The following WWTR1 variants were observed in gnomAD, a reference collection of about 807,000 sequenced individuals.
WWTR1 encodes the protein WW domain containing transcription regulator 1.
In WWTR1, 13 loss-of-function variants were observed where a neutral mutation model predicts 40.1. The observed-to-expected ratio is 0.32, with a 90% CI of 0.21 to 0.52. WWTR1 has a LOEUF of 0.52. WWTR1 is among the 20% of genes least tolerant of loss of function. The pLI is 0.97. For missense variants in WWTR1, 436 were observed against 523.1 expected (o/e 0.83, Z 1.63); for synonymous variants, 230 against 210.1 (o/e 1.09, Z -0.82).
chr3:149,577,893 T>C (rs1737959267), intron 2 of WWTR1, among the ~76,000 whole-genome samples: 1 of 151,966 alleles, frequency 6.6e-6, no homozygotes, highest in African/African-American at 2.4e-5. Context: ...TTTCCTCCTC[T>C]CAAGCCACTG....
chr3:149,556,533 C>T (rs531402458), intron 3 of WWTR1, among the ~76,000 whole-genome samples: 26 of 152,242 alleles, frequency 1.7e-4, no homozygotes, highest in African/African-American at 4.1e-4. Flanking sequence ...GAGCCGAGAT[C>T]GCGCCACTGC....
intron 4 of WWTR1, among the ~76,000 whole-genome samples, chr3:149,719,031 G>A (rs1715680658): frequency 6.6e-6 from 1 of 151,952 alleles, no homozygotes; most frequent in Non-Finnish European, 1.5e-5. Flanking sequence ...TCACTATGTT[G>A]GCCAGGCTGG....
intron 3 of WWTR1, among the ~76,000 whole-genome samples, chr3:149,553,467 T>A (rs988560073): frequency 6.6e-6 from 1 of 152,152 alleles, no homozygotes; most frequent in African/African-American, 2.4e-5. Flanking sequence ...ACCATTTGTG[T>A]GACCTCACTT....
At chr3:149,542,675 G>T in intron 3 of WWTR1, 138 bp from the exon 4 acceptor site, 1 of 900,936 alleles carries the variant, frequency 1.1e-6, no homozygotes, top group Non-Finnish European at 1.6e-6. Flanking sequence ...AACCATTACT[G>T]TTTAAGTAAT....
At chr3:149,723,219 G>A (rs537891756) in intron 4 of WWTR1, among the ~76,000 whole-genome samples, 121 of 107,138 alleles carry the variant, frequency 1.1e-3, no homozygotes, top group African/African-American at 2.9e-3. Context: ...ACAGAGTTTT[G>A]CTCCTGTTGC....
At chr3:149,636,891 G>C (rs943253591) in intron 2 of WWTR1, among the ~76,000 whole-genome samples, 2 of 150,314 alleles carry the variant, frequency 1.3e-5, no homozygotes, top group African/African-American at 2.5e-5. Flanking sequence ...TTGAACCCAG[G>C]GGGCAGAGGT....
At chr3:149,693,480 T>A (rs931418624) in intron 1 of WWTR1, among the ~76,000 whole-genome samples, 1 of 141,076 alleles carries the variant, frequency 7.1e-6, no homozygotes, top group Non-Finnish European at 1.6e-5. Context: ...GAAAAAAAAA[T>A]CCTAAAATGT....
intron 2 of WWTR1, among the ~76,000 whole-genome samples, chr3:149,581,928 G>A (rs910408203): frequency 6.6e-6 from 1 of 152,160 alleles, no homozygotes; most frequent in Non-Finnish European, 1.5e-5. Flanking sequence ...AAGCAAAGCT[G>A]CTGTCAGCCC....
At chr3:149,685,681 A>G (rs1714625111) in intron 1 of WWTR1, among the ~76,000 whole-genome samples, 1 of 152,166 alleles carries the variant, frequency 6.6e-6, no homozygotes, top group Non-Finnish European at 1.5e-5. Context: ...TGATTCATCA[A>G]TTCCTCCTCA....
chr3:149,525,887 C>T (rs552527909), intron 6 of WWTR1, 126 bp downstream of exon 6: 5 of 549,526 alleles, frequency 9.1e-6, no homozygotes, highest in South Asian at 1.0e-4. Flanking sequence ...TGCACATGTA[C>T]CCCCAAATAT....
chr3:149,715,198 C>G (rs966384870), intron 5 of WWTR1, among the ~76,000 whole-genome samples: 3 of 152,218 alleles, frequency 2.0e-5, no homozygotes, highest in Non-Finnish European at 4.4e-5. Flanking sequence ...AAACATGCCC[C>G]TTGTCCACCA....
chr3:149,539,530 A>G (rs953837091), intron 4 of WWTR1, among the ~76,000 whole-genome samples: 4 of 152,190 alleles, frequency 2.6e-5, no homozygotes, highest in Non-Finnish European at 5.9e-5. Context: ...GAGCCAGTGT[A>G]ATTACAAACT....
intron 2 of WWTR1, among the ~76,000 whole-genome samples, chr3:149,609,061 C>T (rs1352905032): frequency 6.6e-6 from 1 of 151,932 alleles, no homozygotes. Flanking sequence ...AAAGTGAGAC[C>T]TTGTCTCAAA....
intron 4 of WWTR1, among the ~76,000 whole-genome samples, chr3:149,719,589 C>T (rs1345968510): frequency 3.9e-5 from 6 of 152,200 alleles, no homozygotes; most frequent in Non-Finnish European, 7.3e-5. Flanking sequence ...TGTATGAACA[C>T]GAGCATACAA....
At chr3:149,694,050 G>A (rs951137495) in intron 1 of WWTR1, among the ~76,000 whole-genome samples, 1 of 152,296 alleles carries the variant, frequency 6.6e-6, no homozygotes, top group East Asian at 1.9e-4. Context: ...TCAATGAAGT[G>A]AAAAGACAAA....
chr3:149,597,545 T>G (rs1739056493), intron 2 of WWTR1, among the ~76,000 whole-genome samples: 1 of 151,584 alleles, frequency 6.6e-6, no homozygotes, highest in Non-Finnish European at 1.5e-5. Context: ...CTCGAGAGGC[T>G]GGGGTGGAAG....
At chr3:149,551,561 T>C (rs1015781374) in intron 3 of WWTR1, among the ~76,000 whole-genome samples, 1 of 145,534 alleles carries the variant, frequency 6.9e-6, no homozygotes, top group East Asian at 2.0e-4. Flanking sequence ...TTCCAAAAGT[T>C]AGAATGCAAA....
intron 2 of WWTR1, among the ~76,000 whole-genome samples, chr3:149,629,932 G>A (rs137887593): frequency 1.3e-5 from 2 of 152,038 alleles, no homozygotes; most frequent in Admixed American, 6.6e-5. Flanking sequence ...CTGCAACCTC[G>A]ACTTCCATGA....
At chr3:149,636,538 G>T (rs113568466) in intron 2 of WWTR1, among the ~76,000 whole-genome samples, 1 of 151,704 alleles carries the variant, frequency 6.6e-6, no homozygotes, top group Non-Finnish European at 1.5e-5. Context: ...ATTTATAGTC[G>T]GGCTAAGAAT....
Sources: gnomAD v4.1 joint callset for allele counts (sites outside exome capture counted in the v4.1 genomes callset) on GRCh38, gnomAD v4.1.1 for gene constraint, MANE v1.5 for transcripts, NCBI Gene and HGNC (gene_info 2026-07-23, HGNC 2026-07-21) for gene names.